The following DSCAM variants were observed in gnomAD, a reference collection of about 807,000 sequenced individuals.
DSCAM encodes the protein DS cell adhesion molecule.
A neutral mutation model predicts 217.7 loss-of-function variants in DSCAM; 47 were observed. That is an observed-to-expected ratio of 0.22 (90% CI 0.17 to 0.28). The LOEUF is 0.28. DSCAM is among the 10% of genes least tolerant of loss of function. The probability of loss-of-function intolerance (pLI) is 1.00; values close to 1 mark genes in which losing one functional copy is unlikely to be tolerated. For synonymous variants in DSCAM, 1,056 were observed against 1,015.3 expected (o/e 1.04, Z -0.76); for missense variants, 2,080 against 2,618.3 (o/e 0.79, Z 4.49).
chr21:40,725,354 T>C (rs561340161), intron 1 of DSCAM, among the ~76,000 whole-genome samples: 1 of 92,156 alleles, frequency 1.1e-5, no homozygotes, highest in South Asian at 2.7e-4. Context: ...AAAGCAGTGA[T>C]GGAAAAAAAA....
chr21:40,548,513 A>AAT (rs56133970), intron 3 of DSCAM, among the ~76,000 whole-genome samples: 1,571 of 150,392 alleles, frequency 0.01, 8 homozygotes, highest in East Asian at 0.029. Context: ...TAAAAAAAAA[A>AAT]ATATATATAT....
At chr21:40,080,057 T>G in intron 25 of DSCAM, 95 bp downstream of exon 25, 1 of 1,188,996 alleles carries the variant, frequency 8.4e-7, no homozygotes, top group Admixed American at 2.5e-5. Context: ...TTCAAACACA[T>G]AAACGTAAAA....
chr21:40,469,340 C>T (rs1339772897), intron 3 of DSCAM, among the ~76,000 whole-genome samples: 1 of 152,094 alleles, frequency 6.6e-6, no homozygotes, highest in African/African-American at 2.4e-5. Context: ...CATGGGAAAG[C>T]ACAGGATTTA....
At chr21:40,688,389 G>T (rs2090505163) in intron 3 of DSCAM, among the ~76,000 whole-genome samples, 4 of 152,104 alleles carry the variant, frequency 2.6e-5, no homozygotes, top group Admixed American at 2.6e-4. Flanking sequence ...CGGTGTTATT[G>T]TTTTTTTCCA....
At chr21:40,283,250 A>G (rs1001103857) in intron 10 of DSCAM, among the ~76,000 whole-genome samples, 1 of 152,238 alleles carries the variant, frequency 6.6e-6, no homozygotes, top group African/African-American at 2.4e-5. Context: ...TCTTAGCACA[A>G]GGTAAGCACT....
chr21:40,567,242 T>C (rs1242007497), intron 3 of DSCAM, among the ~76,000 whole-genome samples: 1 of 152,212 alleles, frequency 6.6e-6, no homozygotes, highest in Non-Finnish European at 1.5e-5. Flanking sequence ...TAGCAAATAG[T>C]TGGCCCCGGC....
At chr21:40,479,500 A>G (rs2075964120) in intron 3 of DSCAM, among the ~76,000 whole-genome samples, 1 of 152,254 alleles carries the variant, frequency 6.6e-6, no homozygotes, top group African/African-American at 2.4e-5. Flanking sequence ...TCAGTTCCAC[A>G]TGGCTGGGGA....
rs147582149 is a variant in DSCAM at position 40,825,517 on chromosome 21, C to T, written c.43+21102G>A. 3.6e-3 allele frequency among the ~76,000 whole-genome samples: 550 copies of T among 152,152 alleles called. 3 individuals are homozygous for T. Among genetic ancestry groups the T allele is most frequent in the Middle Eastern group, 6.8e-3 (2 of 294 alleles). On this transcript the variant is annotated intron_variant, in intron 1 of 32. Coordinates refer to ENST00000400454, the MANE Select transcript of DSCAM (RefSeq NM_001389.5). Reference sequence around the variant, plus strand: ...ATTTTTAGTAGAGACGGGGTTTCACCATGCTGGCCAGGCTGGTCTTGAACT... The same window carrying T: ...ATTTTTAGTAGAGACGGGGTTTCACTATGCTGGCCAGGCTGGTCTTGAACT...
intron 4 of DSCAM, among the ~76,000 whole-genome samples, chr21:40,364,360 G>A (rs1601588621): frequency 6.6e-6 from 1 of 152,096 alleles, no homozygotes; most frequent in South Asian, 2.1e-4. Flanking sequence ...AAAAAATGAT[G>A]AGTTCATGTC....
At chr21:40,731,780 G>C (rs1022067574) in intron 1 of DSCAM, among the ~76,000 whole-genome samples, 2 of 135,740 alleles carry the variant, frequency 1.5e-5, no homozygotes, top group African/African-American at 5.7e-5. Flanking sequence ...CCAGGCTGGA[G>C]TGCAATGGTG....
intron 3 of DSCAM, among the ~76,000 whole-genome samples, chr21:40,460,019 A>G (rs990390165): frequency 6.6e-6 from 1 of 152,200 alleles, no homozygotes; most frequent in African/African-American, 2.4e-5. Flanking sequence ...CAGCAAACTA[A>G]CACAGGAGCA....
At chr21:40,694,220 G>A (rs2090572368) in intron 2 of DSCAM, among the ~76,000 whole-genome samples, 2 of 152,062 alleles carry the variant, frequency 1.3e-5, no homozygotes, top group Admixed American at 6.6e-5. Flanking sequence ...TTAAAATGAG[G>A]GCATTGTGGT....
At chr21:40,629,200 G>T (rs1010793928) in intron 3 of DSCAM, among the ~76,000 whole-genome samples, 1 of 151,870 alleles carries the variant, frequency 6.6e-6, no homozygotes, top group Non-Finnish European at 1.5e-5. Flanking sequence ...CTACTCTTAT[G>T]CAGAGGCCCA....
chr21:40,404,438 C>A (rs556119768), intron 3 of DSCAM, among the ~76,000 whole-genome samples: 1 of 152,244 alleles, frequency 6.6e-6, no homozygotes, highest in East Asian at 1.9e-4. Context: ...TTCACTGGGC[C>A]TCTTGAGGGC....
intron 3 of DSCAM, among the ~76,000 whole-genome samples, chr21:40,395,258 TGAAA>T: frequency 6.6e-6 from 1 of 152,176 alleles, no homozygotes; most frequent in East Asian, 1.9e-4. Flanking sequence ...TTTATTTTAA[TGAAA>T]GAAAATGAAA....
chr21:40,787,213 C>T (rs576075001), intron 1 of DSCAM, among the ~76,000 whole-genome samples: 2 of 152,276 alleles, frequency 1.3e-5, no homozygotes, highest in Admixed American at 1.3e-4. Flanking sequence ...CTTAAATGTG[C>T]GGGCTTGCAT....
In DSCAM at chr21:40,042,576, C is replaced by T; in HGVS notation, c.5481G>A (p.Leu1827=). The change falls in exon 32 of 33, where the codon CTG becomes CTA. Residue 1827 remains leucine (L), a synonymous_variant. Transcript: ENST00000400454. ...CCGTGATGGTGAACTTGGCGTGCCT[C>T]AGTTGCTCTTCCATCTTGGCGTGTT... is the stretch of plus-strand genomic sequence containing the variant. ...AYEHAKMEEQ[L]RHAKFTITEC... is the part of the protein sequence containing the mutation. 6.2e-7 allele frequency: 1 copy of T among 1,614,196 alleles called. No homozygotes were observed. The highest frequency in any genetic ancestry group is 8.5e-7 in the Non-Finnish European group (1 of 1,180,034).
intron 32 of DSCAM, among the ~76,000 whole-genome samples, chr21:40,022,778 TTC>T (rs1026318627): frequency 5.0e-5 from 6 of 121,160 alleles, no homozygotes; most frequent in Admixed American, 2.4e-4. Context: ...GCACAATACA[TTC>T]TTTTTTTTTT....
rs1321086733 is a variant in DSCAM at position 40,585,132 on chromosome 21, G to A, written c.508+107678C>T. 3.3e-5 allele frequency among the ~76,000 whole-genome samples: 5 copies of A among 151,176 alleles called. No homozygotes were observed. In the South Asian group the frequency reaches 1.1e-3, roughly 32 times the overall value. On this transcript the variant is annotated intron_variant, in intron 3 of 32. Transcript: ENST00000400454. ...TCACCAGAAGCCAAGCAGATGCTGGGGCAATGCTTCTTGTGCAGCCTGTAG... is the reference window on the plus strand; with the variant it reads ...TCACCAGAAGCCAAGCAGATGCTGGAGCAATGCTTCTTGTGCAGCCTGTAG...
Sources: gnomAD v4.1 joint callset for allele counts (sites outside exome capture counted in the v4.1 genomes callset) on GRCh38, gnomAD v4.1.1 for gene constraint, MANE v1.5 for transcripts, NCBI Gene and HGNC (gene_info 2026-07-23, HGNC 2026-07-21) for gene names.